Variants in PLCH1 observed in about 807,000 individuals in gnomAD.
The protein encoded by PLCH1 is 1-phosphatidylinositol 4,5-bisphosphate phosphodiesterase eta-1.
A neutral mutation model predicts 126.7 loss-of-function variants in PLCH1; 60 were observed. That is an observed-to-expected ratio of 0.47 (90% confidence interval 0.38 to 0.59). The LOEUF is 0.59. Among genes scored for constraint, PLCH1 ranks in the 20% least tolerant of loss-of-function variants. The probability of loss-of-function intolerance (pLI) is 0.00; values close to 1 mark genes in which losing one functional copy is unlikely to be tolerated. For missense variants in PLCH1, 1,723 were observed against 2,040.0 expected, an observed-to-expected ratio of 0.84 and a Z score of 2.99; for synonymous variants, 719 against 734.9, an observed-to-expected ratio of 0.98 and a Z score of 0.35.
intron 6 of PLCH1, among the ~76,000 whole-genome samples, chr3:155,572,991 T>C (rs1162363274): frequency 6.6e-6 from 1 of 152,128 alleles, no homozygotes; most frequent in African/African-American, 2.4e-5. Context: ...CAAGCAATCT[T>C]CCCACCTTGG....
chr3:155,523,038 G>A (rs1000413445), intron 11 of PLCH1, among the ~76,000 whole-genome samples: 2 of 152,000 alleles, frequency 1.3e-5, no homozygotes, highest in African/African-American at 2.4e-5. Flanking sequence ...TCAGTGGCGC[G>A]ATCTCGGCTC....
At chr3:155,552,057 G>C (rs1243229543) in intron 9 of PLCH1, among the ~76,000 whole-genome samples, 1 of 152,108 alleles carries the variant, frequency 6.6e-6, no homozygotes, top group Non-Finnish European at 1.5e-5. Context: ...CACGTGGGAG[G>C]CATCATAAAC....
intron 10 of PLCH1, among the ~76,000 whole-genome samples, chr3:155,538,730 C>T (rs1217747234): frequency 2.0e-5 from 3 of 151,994 alleles, no homozygotes; most frequent in Non-Finnish European, 2.9e-5. Context: ...AAACCAACAA[C>T]AAGCAGTCCG....
intron 1 of PLCH1, among the ~76,000 whole-genome samples, chr3:155,731,393 C>G (rs1004474885): frequency 2.0e-4 from 31 of 152,198 alleles, no homozygotes; most frequent in African/African-American, 7.2e-4. Context: ...ACCTAGGCAG[C>G]AGGCTAACCC....
At chr3:155,528,086 T>G (rs1722200742) in intron 10 of PLCH1, among the ~76,000 whole-genome samples, 1 of 151,988 alleles carries the variant, frequency 6.6e-6, no homozygotes, top group Non-Finnish European at 1.5e-5. Flanking sequence ...TAGCCAGGCA[T>G]GGTGGCAGGC....
chr3:155,536,613 T>G (rs1055413034), intron 10 of PLCH1, among the ~76,000 whole-genome samples: 1 of 151,734 alleles, frequency 6.6e-6, no homozygotes, highest in Non-Finnish European at 1.5e-5. Flanking sequence ...ATTAACCCAA[T>G]CTGACAAAGA....
chr3:155,492,941 C>T, intron 17 of PLCH1, 88 bp from the exon 18 acceptor site: 2 of 1,125,294 alleles, frequency 1.8e-6, no homozygotes, highest in South Asian at 2.1e-5. Context: ...AACAAACAAA[C>T]AAAAACAAAT....
At chr3:155,451,254 T>TAGACGTTGAAATTAGC (rs143363004) in intron 21 of PLCH1, among the ~76,000 whole-genome samples, 12 of 152,140 alleles carry the variant, frequency 7.9e-5, no homozygotes, top group Non-Finnish European at 1.5e-4. Flanking sequence ...GAATCATTAA[T>TAGACGTTGAAATTAGC]AGGTAAGGGT....
chr3:155,538,006 A>C (rs1244987164), intron 10 of PLCH1, among the ~76,000 whole-genome samples: 1 of 152,118 alleles, frequency 6.6e-6, no homozygotes, highest in East Asian at 1.9e-4. Flanking sequence ...GCCACAAAAC[A>C]AGTCTCAACG....
intron 9 of PLCH1, 114 bp downstream of exon 9, chr3:155,553,962 C>G: frequency 2.3e-6 from 2 of 886,194 alleles, no homozygotes; most frequent in Non-Finnish European, 3.4e-6. Flanking sequence ...ACTAGTCTAG[C>G]AAAGAGGGCA....
chr3:155,504,108 T>C (rs2108162981), intron 13 of PLCH1, among the ~76,000 whole-genome samples: 1 of 152,264 alleles, frequency 6.6e-6, no homozygotes, highest in South Asian at 2.1e-4. Context: ...TCCTTTTCTT[T>C]ATTAGCAATT....
At chr3:155,458,462 GAA>G (rs1226356181) in intron 21 of PLCH1, among the ~76,000 whole-genome samples, 1 of 85,036 alleles carries the variant, frequency 1.2e-5, no homozygotes, top group South Asian at 3.7e-4. Flanking sequence ...AGGAAAGAAA[GAA>G]AGAAAGAAAG....
chr3:155,573,229 T>C (rs1729478735), intron 6 of PLCH1, among the ~76,000 whole-genome samples: 1 of 152,220 alleles, frequency 6.6e-6, no homozygotes, highest in Non-Finnish European at 1.5e-5. Context: ...CAAACATTGG[T>C]AAGCCTTGGT....
chr3:155,649,926 C>T lies in PLCH1; in HGVS notation c.80-53548G>A, dbSNP rs566901210. Among the ~76,000 whole-genome samples the T allele has an allele frequency of 2.3e-3, 357 of 151,980 alleles. 2 individuals are homozygous for T. Among genetic ancestry groups the T allele is most frequent in the South Asian group, 0.015 (71 of 4,798 alleles). Reference sequence around the variant, plus strand: ...CCGGGAGGCGGAGCTTGCAGTGAGCCGAGATAGCGCCACTGCACTCCAGCC... The same window carrying T: ...CCGGGAGGCGGAGCTTGCAGTGAGCTGAGATAGCGCCACTGCACTCCAGCC... On this transcript the variant is annotated intron_variant, in intron 2 of 22. Transcript: ENST00000460012.
At chr3:155,585,238 G>A (rs567390935) in intron 5 of PLCH1, among the ~76,000 whole-genome samples, 2 of 152,142 alleles carry the variant, frequency 1.3e-5, no homozygotes, top group South Asian at 4.2e-4. Flanking sequence ...CATACCCCAT[G>A]TTGTCTCTGC....
At chr3:155,629,600 T>C (rs750318030) in intron 2 of PLCH1, among the ~76,000 whole-genome samples, 49 of 152,200 alleles carry the variant, frequency 3.2e-4, no homozygotes, top group Non-Finnish European at 4.0e-4. Flanking sequence ...CAGTCTTGAC[T>C]CTCCATTTGC....
chr3:155,494,533 C>A lies in PLCH1; in HGVS notation c.1895-16G>T, dbSNP rs199554852. ...CCTGTGGTTCCTGGCAGTTTTTAAT[C>A]GAGAAAAAAGGAAGTGAGAACTACA... On this transcript the variant is annotated splice_polypyrimidine_tract_variant and intron_variant, in intron 15 of 22. Coordinates refer to ENST00000460012, the MANE Select transcript of PLCH1 (RefSeq NM_014996.4). 1.3e-6 allele frequency: 2 copies of A among 1,486,618 alleles called. No homozygotes were observed. Among genetic ancestry groups the A allele is most frequent in the East Asian group, 2.5e-5 (1 of 40,158 alleles). 92.1% of individuals were successfully genotyped at this position (1,486,618 alleles called of 1,614,324 possible). A position where few individuals can be genotyped will look rare whatever the true frequency, so the allele number is the denominator to read the frequency against.
At chr3:155,611,693 C>A (rs971381487) in intron 2 of PLCH1, among the ~76,000 whole-genome samples, 2 of 152,138 alleles carry the variant, frequency 1.3e-5, no homozygotes, top group African/African-American at 4.8e-5. Flanking sequence ...GAACATCTTA[C>A]CCAACAACTG....
intron 2 of PLCH1, among the ~76,000 whole-genome samples, chr3:155,632,350 CA>C (rs138884614): frequency 0.022 from 3,409 of 152,254 alleles, 46 homozygotes; most frequent in Non-Finnish European, 0.031. Flanking sequence ...AGTCAATTAC[CA>C]TGCTTTAATC....
Sources: allele counts gnomAD v4.1 joint callset (sites outside exome capture counted in the v4.1 genomes callset), GRCh38; gene constraint gnomAD v4.1.1; transcripts MANE v1.5; gene names NCBI Gene and HGNC (gene_info 2026-07-23, HGNC 2026-07-21).